The following PCDHGB3 variants were observed in gnomAD, a reference collection of about 807,000 sequenced individuals.
The protein encoded by PCDHGB3 is protocadherin gamma subfamily B, 3.
PCDHGB3 carries 40 observed loss-of-function variants against 59.2 expected under a neutral mutation model. The observed-to-expected ratio is 0.68, with a 90% confidence interval of 0.52 to 0.88. The LOEUF is 0.88. Ranked by LOEUF, PCDHGB3 falls within the 40% of genes least tolerant of loss-of-function variation. The probability of loss-of-function intolerance (pLI) is 0.00; values close to 1 mark genes in which losing one functional copy is unlikely to be tolerated. For synonymous variants in PCDHGB3, 581 were observed against 503.6 expected (o/e 1.15, Z -2.06); for missense variants, 1,309 against 1,187.9 (o/e 1.10, Z -1.50).
intron 1 of PCDHGB3, chr5:141,428,599 A>G (rs1324155257): frequency 8.9e-6 from 2 of 223,902 alleles, no homozygotes; most frequent in Non-Finnish European, 1.8e-5. Context: ...AGCAAGCTTC[A>G]CTGAAGAGAA....
intron 1 of PCDHGB3, among the ~76,000 whole-genome samples, chr5:141,494,177 TG>T (rs2099752471): frequency 6.6e-6 from 1 of 152,176 alleles, no homozygotes; most frequent in Non-Finnish European, 1.5e-5. Flanking sequence ...GGGTGAGAAG[TG>T]TCCCGGGACT....
Position 141,405,054 on chromosome 5 carries a change from C to G in PCDHGB3, c.2415+32245C>G, listed in dbSNP as rs773491411. ...CTCGTTGTGGCTGTGGCAGTCGTCT[C>G]CTGTGTCTTCCTCACCTTCGTTATC... On this transcript the variant is annotated intron_variant, in intron 1 of 3. Transcript: ENST00000576222. The G allele has an allele frequency of 2.3e-5, 37 of 1,613,806 alleles. 1 individual carries two copies. The South Asian group carries it at 4.1e-4, about 18-fold the overall frequency.
chr5:141,386,504 T>A (rs1351334049), intron 1 of PCDHGB3, among the ~76,000 whole-genome samples: 1 of 84,712 alleles, frequency 1.2e-5, no homozygotes, highest in Non-Finnish European at 2.3e-5. Flanking sequence ...AACAAGACTC[T>A]GTCTCTTCAA....
At chr5:141,395,485 T>C (rs2093239128) in intron 1 of PCDHGB3, 2 of 522,170 alleles carry the variant, frequency 3.8e-6, no homozygotes, top group Non-Finnish European at 6.6e-6. Context: ...TTATTCCTAT[T>C]ATCACTCATT....
chr5:141,415,304 C>A, intron 1 of PCDHGB3: 1 of 1,614,188 alleles, frequency 6.2e-7, no homozygotes, highest in Non-Finnish European at 8.5e-7. Context: ...GTCTTCCTGG[C>A]CTTCGTCATC....
rs1230384508 is a variant in PCDHGB3 at position 141,490,990 on chromosome 5, C to T, written c.2416-3817C>T. On this transcript the variant is annotated intron_variant, in intron 1 of 3. Coordinates refer to ENST00000576222, the MANE Select transcript of PCDHGB3 (RefSeq NM_018924.5). The surrounding 1 kb of genome is among the most constrained non-coding windows in gnomAD (Gnocchi z 5.4). ...CCCCCAGCGTCTCCCTCGCTCTGCT[C>T]CTCCTGGCTCCTTGGTCACCAAGGT... 6 of 1,614,102 alleles carry T rather than the reference C, an allele frequency of 3.7e-6. No homozygotes were observed. The highest frequency in any genetic ancestry group is 1.3e-5 in the African/African-American group (1 of 75,064).
chr5:141,390,330 C>T, intron 1 of PCDHGB3: 1 of 1,600,608 alleles, frequency 6.2e-7, no homozygotes, highest in Non-Finnish European at 8.5e-7. Flanking sequence ...ACCCATTTCT[C>T]CATATTCACA....
At chr5:141,419,782 C>T (rs765128711) in intron 1 of PCDHGB3, 9 of 1,614,058 alleles carry the variant, frequency 5.6e-6, no homozygotes, top group Non-Finnish European at 7.6e-6. Flanking sequence ...TCCGCCAGCG[C>T]CTGCTAGTCG....
rs1236959966 is a variant in PCDHGB3, at chr5:141,511,984, G to C, written c.*811G>C. On this transcript the variant is annotated 3_prime_UTR_variant, in exon 4 of 4. Transcript: ENST00000576222. ...GGGAAGTGTGTGGATGTGGATGGTGGGGGCATGGACAAAGCTTGACACATC... is the reference window on the plus strand; with the variant it reads ...GGGAAGTGTGTGGATGTGGATGGTGCGGGCATGGACAAAGCTTGACACATC... 1 of 153,294 alleles carries C rather than the reference G, an allele frequency of 6.5e-6. No individual in the cohort carries two copies. Among genetic ancestry groups the C allele is most frequent in the African/African-American group, 2.4e-5 (1 of 41,452 alleles). 9.5% of individuals were successfully genotyped at this position (153,294 alleles called of 1,614,324 possible). A position where few individuals can be genotyped will look rare whatever the true frequency, so the allele number is the denominator to read the frequency against.
intron 1 of PCDHGB3, chr5:141,393,352 T>G: frequency 1.2e-6 from 2 of 1,613,956 alleles, no homozygotes; most frequent in African/African-American, 2.7e-5. Context: ...CACTTCTCCC[T>G]GGACGTGCAG....
rs1345498022 is a variant in PCDHGB3 at position 141,493,312 on chromosome 5, A to G, written c.2416-1495A>G. On this transcript the variant is annotated intron_variant, in intron 1 of 3. Coordinates refer to ENST00000576222, the MANE Select transcript of PCDHGB3 (RefSeq NM_018924.5). This position sits in a 1 kb window ranked among gnomAD's most constrained non-coding sequence, Gnocchi z 4.3. ...CTCAAGTTCACAGAGCAAGTAAGAG[A>G]GATTCTAACCCCTGTCTAACTCCAG... 6.6e-6 allele frequency among the ~76,000 whole-genome samples: 1 copy of G among 152,174 alleles called. No individual in the cohort carries two copies. Among genetic ancestry groups the G allele is most frequent in the Non-Finnish European group, 1.5e-5 (1 of 68,028 alleles).
At chr5:141,390,230 A>T (rs2092091822) in intron 1 of PCDHGB3, 1 of 1,614,072 alleles carries the variant, frequency 6.2e-7, no homozygotes, top group Admixed American at 1.7e-5. Flanking sequence ...GCGGTGATTC[A>T]TCTGGGGCCT....
rs1208504589 is a variant in PCDHGB3, at chr5:141,431,631, T to C, written c.2415+58822T>C. On this transcript the variant is annotated intron_variant, in intron 1 of 3. Coordinates refer to ENST00000576222, the MANE Select transcript of PCDHGB3 (RefSeq NM_018924.5). The surrounding 1 kb of genome is among the most constrained non-coding windows in gnomAD (Gnocchi z 4.8). ...TATGTGGACGACAAGGCGGCCCAAG[T>C]TTTCAAACTAGATTGTAATTCAGGG... The C allele has an allele frequency of 6.2e-6, 10 of 1,614,132 alleles. No individual in the cohort carries two copies. Among genetic ancestry groups the C allele is most frequent in the Non-Finnish European group, 8.5e-6 (10 of 1,180,016 alleles).
intron 1 of PCDHGB3, among the ~76,000 whole-genome samples, chr5:141,445,700 A>G (rs2098474731): frequency 6.6e-6 from 1 of 152,216 alleles, no homozygotes; most frequent in Non-Finnish European, 1.5e-5. Flanking sequence ...TAAAAAAGAA[A>G]TTGTCAGGCA....
Position 141,511,015 on chromosome 5 carries a change from C to T in PCDHGB3, c.2632C>T (p.Pro878Ser), listed in dbSNP as rs1430257603. The T allele has an allele frequency of 1.2e-6, 2 of 1,614,106 alleles. No homozygotes were observed. The highest frequency in any genetic ancestry group is 1.3e-5 in the African/African-American group (1 of 74,936). The stretch of plus-strand genomic sequence containing the variant: ...CATGGGATTGAGCGCCCGCTACGGA[C>T]CCCAGTTCACCCTGCAGCACGTGCC... ...GTMGLSARYG[P>S]QFTLQHVPDY... Residue 878 changes from proline (P) to serine (S), a missense_variant, in exon 4 of 4, where the codon CCC (proline) becomes TCC (serine). Coordinates refer to ENST00000576222, the MANE Select transcript of PCDHGB3 (RefSeq NM_018924.5).
chr5:141,413,050 G>C (rs868475186), intron 1 of PCDHGB3: 5 of 939,920 alleles, frequency 5.3e-6, no homozygotes, highest in Middle Eastern at 3.3e-4. Flanking sequence ...CTGCAGGGAA[G>C]CTCACTCCAG....
At chr5:141,433,422 A>G (rs1172678396) in intron 1 of PCDHGB3, among the ~76,000 whole-genome samples, 1 of 150,646 alleles carries the variant, frequency 6.6e-6, no homozygotes, top group Admixed American at 6.6e-5. Context: ...TCTTGTACAG[A>G]CAGGAGTCTC....
In PCDHGB3 at chr5:141,476,686, C is replaced by T. The variant is rs138480390; in HGVS notation, c.2416-18121C>T. On this transcript the variant is annotated intron_variant, in intron 1 of 3. Coordinates refer to ENST00000576222, the MANE Select transcript of PCDHGB3 (RefSeq NM_018924.5). The surrounding 1 kb of genome is among the most constrained non-coding windows in gnomAD (Gnocchi z 7.6). ...TTCGCGTGCAGACGCGGGAGGACAGCACCAAGTACGCGGAGCTGGTGTTGG... is the reference window on the plus strand; with the variant it reads ...TTCGCGTGCAGACGCGGGAGGACAGTACCAAGTACGCGGAGCTGGTGTTGG... 6.2e-7 allele frequency: 1 copy of T among 1,614,126 alleles called. No homozygotes were observed. The highest frequency in any genetic ancestry group is 1.3e-5 in the African/African-American group (1 of 74,952).
intron 1 of PCDHGB3, chr5:141,384,667 A>G: frequency 6.2e-7 from 1 of 1,614,186 alleles, no homozygotes. Context: ...CCTGGTGACC[A>G]AGGTGGTGGC....
Sources: allele counts gnomAD v4.1 joint callset (sites outside exome capture counted in the v4.1 genomes callset), GRCh38; gene constraint gnomAD v4.1.1; non-coding constraint Gnocchi (gnomAD v3.1); transcripts MANE v1.5; gene names NCBI Gene and HGNC (gene_info 2026-07-23, HGNC 2026-07-21).